PAPSS1: variants seen among roughly 807,000 people sequenced by gnomAD.
PAPSS1 encodes the protein 3'-phosphoadenosine 5'-phosphosulfate synthase 1.
PAPSS1 carries 50 observed loss-of-function variants against 72.0 expected under a neutral mutation model. That is an observed-to-expected ratio of 0.69 (90% confidence interval 0.55 to 0.88). The LOEUF is 0.88. Ranked by LOEUF, PAPSS1 falls within the 40% of genes least tolerant of loss-of-function variation. The pLI is 0.00. For synonymous variants in PAPSS1, 261 were observed against 263.6 expected, an observed-to-expected ratio of 0.99 and a Z score of 0.09; for missense variants, 657 against 782.2, an observed-to-expected ratio of 0.84 and a Z score of 1.91.
At chr4:107,695,789 T>G (rs541039684) in intron 2 of PAPSS1, among the ~76,000 whole-genome samples, 2 of 152,162 alleles carry the variant, frequency 1.3e-5, no homozygotes, top group Non-Finnish European at 2.9e-5. Flanking sequence ...TGGATTACAT[T>G]TACTGATTTG....
At chr4:107,642,047 T>C (rs1415395624) in intron 10 of PAPSS1, among the ~76,000 whole-genome samples, 1 of 152,172 alleles carries the variant, frequency 6.6e-6, no homozygotes, top group Non-Finnish European at 1.5e-5. Context: ...GAGTCAGGTA[T>C]TGTAAGAATA....
chr4:107,636,851 T>A (rs1726399123), intron 10 of PAPSS1, among the ~76,000 whole-genome samples: 1 of 152,202 alleles, frequency 6.6e-6, no homozygotes, highest in Non-Finnish European at 1.5e-5. Context: ...ATAAACAGAT[T>A]ATTTGTTTCA....
intron 9 of PAPSS1, among the ~76,000 whole-genome samples, chr4:107,650,423 G>GA (rs1726808442): frequency 6.6e-6 from 1 of 152,156 alleles, no homozygotes; most frequent in African/African-American, 2.4e-5. Flanking sequence ...AAAGAAGAGT[G>GA]AAAAACAGAT....
intron 5 of PAPSS1, among the ~76,000 whole-genome samples, chr4:107,676,399 CAGAG>C (rs1727650916): frequency 6.6e-6 from 1 of 152,260 alleles, no homozygotes; most frequent in South Asian, 2.1e-4. Flanking sequence ...AACAGACAAA[CAGAG>C]AGCCAAATCA....
At chr4:107,660,582 G>A (rs892830027) in intron 5 of PAPSS1, among the ~76,000 whole-genome samples, 10 of 152,102 alleles carry the variant, frequency 6.6e-5, no homozygotes, top group African/African-American at 1.9e-4. Context: ...GATCCCACAC[G>A]AAATGCAGCC....
At chr4:107,633,834 G>A (rs538650844) in intron 10 of PAPSS1, among the ~76,000 whole-genome samples, 4 of 151,430 alleles carry the variant, frequency 2.6e-5, no homozygotes, top group Non-Finnish European at 5.9e-5. Flanking sequence ...CAGGAGAATG[G>A]CGTGAACCCG....
intron 3 of PAPSS1, among the ~76,000 whole-genome samples, chr4:107,691,850 A>G (rs956450200): frequency 3.9e-5 from 6 of 152,196 alleles, no homozygotes; most frequent in Admixed American, 2.6e-4. Context: ...GCTACTATCA[A>G]TATCAACAGT....
intron 5 of PAPSS1, among the ~76,000 whole-genome samples, chr4:107,681,368 C>A (rs1404329382): frequency 6.6e-6 from 1 of 152,148 alleles, no homozygotes; most frequent in Admixed American, 6.5e-5. Flanking sequence ...CTATGTGACC[C>A]TCCAATGAAA....
At position 107,613,940 on chromosome 4, in the gene PAPSS1, T is replaced by C. The variant is rs1162793749; in HGVS notation, c.*309A>G. 5.2e-6 allele frequency: 1 copy of C among 192,958 alleles called. No individual in the cohort carries two copies. The highest frequency in any genetic ancestry group is 2.3e-5 in the African/African-American group (1 of 42,992). 12.0% of individuals were successfully genotyped at this position (192,958 alleles called of 1,614,324 possible). A position where few individuals can be genotyped will look rare whatever the true frequency, so the allele number is the denominator to read the frequency against. The stretch of plus-strand genomic sequence containing the variant: ...AAGATTTAATGTGAATACTACTGGT[T>C]ACAACTAATATAACAGCTTGAAAAA... On this transcript the variant is annotated 3_prime_UTR_variant, in exon 12 of 12. Coordinates refer to ENST00000265174, the MANE Select transcript of PAPSS1 (RefSeq NM_005443.5).
intron 9 of PAPSS1, among the ~76,000 whole-genome samples, chr4:107,646,292 G>GATATATATAT (rs527908552): frequency 1.4e-5 from 2 of 142,822 alleles, no homozygotes; most frequent in Non-Finnish European, 3.0e-5. Context: ...TAGAACTACA[G>GATATATATAT]ATATATATAT....
chr4:107,659,734 A>G (rs146051045), intron 6 of PAPSS1, among the ~76,000 whole-genome samples: 120 of 152,314 alleles, frequency 7.9e-4, no homozygotes, highest in African/African-American at 2.7e-3. Context: ...TTCAAAATAA[A>G]TAAGTATTAT....
At chr4:107,650,739 G>C (rs1726817102) in intron 9 of PAPSS1, among the ~76,000 whole-genome samples, 1 of 152,120 alleles carries the variant, frequency 6.6e-6, no homozygotes, top group South Asian at 2.1e-4. Context: ...ATGACTCCAT[G>C]GTTGGATGAG....
chr4:107,651,820 A>G (rs1455302796), intron 9 of PAPSS1, among the ~76,000 whole-genome samples: 1 of 152,192 alleles, frequency 6.6e-6, no homozygotes, highest in East Asian at 1.9e-4. Flanking sequence ...ACTACATAGC[A>G]GTACAGTTTA....
At chr4:107,680,480 A>G (rs556602530) in intron 5 of PAPSS1, among the ~76,000 whole-genome samples, 1 of 152,350 alleles carries the variant, frequency 6.6e-6, no homozygotes, top group African/African-American at 2.4e-5. Flanking sequence ...TTTTCTAAAA[A>G]TGAACAAACA....
intron 2 of PAPSS1, among the ~76,000 whole-genome samples, chr4:107,700,016 T>TATAAA (rs1307174465): frequency 6.6e-6 from 1 of 152,174 alleles, no homozygotes; most frequent in Non-Finnish European, 1.5e-5. Flanking sequence ...CATTAAGTGC[T>TATAAA]ATAAACCTGG....
rs192120791 is a variant in PAPSS1, at chr4:107,622,316, T to C, written c.1737-7929A>G. ...TTTACTGCTCCATGCATATCTCCCC[T>C]TCCCCCTCCCTTCTTTCTCCCAGAT... On this transcript the variant is annotated intron_variant, in intron 11 of 11. Transcript: ENST00000265174. Among the ~76,000 whole-genome samples, 59 of 152,296 alleles carry C rather than the reference T, an allele frequency of 3.9e-4. No homozygotes were observed. The East Asian group carries it at 8.9e-3, about 23-fold the overall frequency.
intron 11 of PAPSS1, among the ~76,000 whole-genome samples, chr4:107,618,509 A>T (rs1725880636): frequency 6.6e-6 from 1 of 151,880 alleles, no homozygotes; most frequent in Admixed American, 6.6e-5. Context: ...ATGGAGAAGG[A>T]AGCCCAGGAT....
intron 5 of PAPSS1, among the ~76,000 whole-genome samples, chr4:107,674,710 C>T (rs1487495283): frequency 1.3e-5 from 2 of 152,042 alleles, no homozygotes; most frequent in East Asian, 3.8e-4. Flanking sequence ...AACTCTCCAC[C>T]CCAAATCAAC....
intron 1 of PAPSS1, 161 bp downstream of exon 1, chr4:107,719,959 C>A: frequency 2.8e-6 from 4 of 1,405,970 alleles, no homozygotes; most frequent in Non-Finnish European, 3.7e-6. Context: ...TGCCTCGCAA[C>A]CACCCACGGC....
Sources: gnomAD v4.1 joint callset for allele counts (sites outside exome capture counted in the v4.1 genomes callset) on GRCh38, gnomAD v4.1.1 for gene constraint, MANE v1.5 for transcripts, NCBI Gene and HGNC (gene_info 2026-07-23, HGNC 2026-07-21) for gene names.